OLFML2A: variants seen among roughly 807,000 people sequenced by gnomAD.
The protein encoded by OLFML2A is olfactomedin-like protein 2A.
In OLFML2A, 47 loss-of-function variants were observed where a neutral mutation model predicts 60.9. The observed-to-expected ratio is 0.77, with a 90% CI of 0.61 to 0.98. The LOEUF is 0.98. OLFML2A is among the 50% of genes least tolerant of loss of function. The pLI, the probability that OLFML2A is intolerant of heterozygous loss-of-function variation, is 0.00. For synonymous variants in OLFML2A, 372 were observed against 375.0 expected (o/e 0.99, Z 0.09); for missense variants, 922 against 879.8 (o/e 1.05, Z -0.61).
Position 124,777,365 on chromosome 9 carries a change from G to T in OLFML2A, c.90+5G>T. On this transcript the variant is annotated splice_donor_5th_base_variant and intron_variant, in intron 1 of 7. Coordinates refer to ENST00000373580, the MANE Select transcript of OLFML2A (RefSeq NM_182487.4). This position sits in a 1 kb window ranked among gnomAD's most constrained non-coding sequence, Gnocchi z 6.2. ...CCCACGCGCGCCGACAGTAAGGTACGCACGCCCCTCGGACCCGCGCGGCTC... is the reference window on the plus strand; with the variant it reads ...CCCACGCGCGCCGACAGTAAGGTACTCACGCCCCTCGGACCCGCGCGGCTC... 7.9e-7 allele frequency: 1 copy of T among 1,271,928 alleles called. No individual in the cohort carries two copies. The allele number at this position is 1,271,928 out of a possible 1,614,324, so 78.8% of individuals were successfully genotyped here.
intron 3 of OLFML2A, among the ~76,000 whole-genome samples, chr9:124,796,249 C>T (rs1312147531): frequency 1.3e-5 from 2 of 152,236 alleles, no homozygotes; most frequent in African/African-American, 4.8e-5. Context: ...CTACTATTGG[C>T]CAAGCCCCTG....
At position 124,810,292 on chromosome 9, in the gene OLFML2A, G is replaced by C; in HGVS notation, c.1839G>C (p.Gln613His). Reference protein sequence around the residue: ...DTHTGTDARPQLPFLNEHAYT... With the variant: ...DTHTGTDARPHLPFLNEHAYT... ...ACACGGGCACCGACGCACGCCCCCA[G>C]CTGCCGTTCCTCAACGAGCACGCCT... The change falls in exon 8 of 8, where the codon CAG becomes CAC. Residue 613 changes from glutamine to histidine, a missense_variant. By Grantham distance (24) the Gln-to-His change is conservative. Transcript: ENST00000373580. The C allele has an allele frequency of 6.2e-7, 1 of 1,609,682 alleles. No individual in the cohort carries two copies.
intron 1 of OLFML2A, among the ~76,000 whole-genome samples, chr9:124,786,359 G>A (rs1841469000): frequency 6.6e-6 from 1 of 151,752 alleles, no homozygotes. Context: ...GGAGGTCAAG[G>A]CTGCAGTGAG....
chr9:124,813,110 C>A lies in OLFML2A; in HGVS notation c.*2698C>A, dbSNP rs1399917107. The A allele has an allele frequency of 6.6e-6, 1 of 152,164 alleles. No individual in the cohort carries two copies. Among genetic ancestry groups the A allele is most frequent in the Non-Finnish European group, 1.5e-5 (1 of 68,070 alleles). 9.4% of individuals were successfully genotyped at this position (152,164 alleles called of 1,614,324 possible). On this transcript the variant is annotated 3_prime_UTR_variant, in exon 8 of 8. Transcript: ENST00000373580. ...GGGATTACAGGGCCCTGCCACCAAG[C>A]CCAGCTAATTGTATTTTTAGTAGAG...
Position 124,809,993 on chromosome 9 carries a change from A to G in OLFML2A, c.1540A>G (p.Lys514Glu), listed in dbSNP as rs1403672596. ...GGTATATGAGGACACCACACCTTGG[A>G]AGTGGCGCGGACACTCGGACATTGA... Reference protein sequence around the residue: ...DVVYEDTTPWKWRGHSDIDFA... With the variant: ...DVVYEDTTPWEWRGHSDIDFA... The change falls in exon 8 of 8, where the codon AAG becomes GAG. Residue 514 changes from lysine (K) to glutamate (E), a missense_variant. Lys to Glu is a moderately conservative substitution (Grantham distance 56, BLOSUM62 1). Transcript: ENST00000373580. 2 of 1,613,972 alleles carry G rather than the reference A, an allele frequency of 1.2e-6. No individual in the cohort carries two copies. Among genetic ancestry groups the G allele is most frequent in the Non-Finnish European group, 1.7e-6 (2 of 1,180,014 alleles).
intron 1 of OLFML2A, among the ~76,000 whole-genome samples, chr9:124,781,279 C>T (rs1467815735): frequency 2.0e-5 from 3 of 152,016 alleles, no homozygotes. Flanking sequence ...GACAGATTAT[C>T]CAGGGTAAGA....
Position 124,786,749 on chromosome 9 carries a change from GACACACACACACACAC to G in OLFML2A, c.91-192_91-177del, listed in dbSNP as rs3138850. On this transcript the variant is annotated intron_variant, in intron 1 of 7. Transcript: ENST00000373580. ...AAAAAAAAATACACGCAGAGACGTA[GACACACACACACACAC>G]ACACACACACACACACACACACACA... 2.5e-3 allele frequency among the ~76,000 whole-genome samples: 326 copies of G among 129,812 alleles called. 1 individual carries two copies. The highest frequency in any genetic ancestry group is 5.7e-3 in the Admixed American group (72 of 12,724). 85.2% of individuals were successfully genotyped at this position (129,812 alleles called of 152,430 possible).
intron 2 of OLFML2A, among the ~76,000 whole-genome samples, chr9:124,792,084 CA>C (rs1841579343): frequency 6.6e-6 from 1 of 152,236 alleles, no homozygotes; most frequent in Non-Finnish European, 1.5e-5. Flanking sequence ...TCGGACTGAA[CA>C]AAACTTCCTC....
chr9:124,787,127 C>T lies in OLFML2A; in HGVS notation c.243C>T (p.Ser81=). Residue 81 remains serine (S), a synonymous_variant, in exon 2 of 8, where the codon AGC becomes AGT. Transcript: ENST00000373580. ...VEDFYTVETV[S]SGTDCRCSCT... Reference sequence around the variant, plus strand: ...ACTTCTACACGGTGGAGACTGTGAGCTCGGGCACTGACTGCCGCTGCTCCT... The same window carrying T: ...ACTTCTACACGGTGGAGACTGTGAGTTCGGGCACTGACTGCCGCTGCTCCT... The T allele has an allele frequency of 6.2e-7, 1 of 1,614,248 alleles. No individual in the cohort carries two copies. Among genetic ancestry groups the T allele is most frequent in the East Asian group, 2.2e-5 (1 of 44,888 alleles).
At position 124,809,944 on chromosome 9, in the gene OLFML2A, C is replaced by G. The variant is rs376482827; in HGVS notation, c.1491C>G (p.Ala497=). 6.2e-7 allele frequency: 1 copy of G among 1,614,082 alleles called. No homozygotes were observed. The highest frequency in any genetic ancestry group is 1.3e-5 in the African/African-American group (1 of 74,930). ...ACGACCTACGGCAGCGCTTCGTGGC[C>G]TCCTGGGCGCTGCTGCCCGACGTGG... ...IKYDLRQRFV[A]SWALLPDVVY... is the part of the protein sequence containing the mutation. The change falls in exon 8 of 8, where the codon GCC becomes GCG. Residue 497 remains alanine (A), a synonymous_variant. Transcript: ENST00000373580.
At chr9:124,799,239 G>A (rs1361369238) in intron 3 of OLFML2A, 46 bp from the exon 4 acceptor site, 1 of 1,383,258 alleles carries the variant, frequency 7.2e-7, no homozygotes, top group African/African-American at 1.4e-5. Context: ...TAGGGGTTCA[G>A]AGGAAGCTGG....
chr9:124,795,113 G>A lies in OLFML2A; in HGVS notation c.444G>A (p.Gln148=). 6.2e-7 allele frequency: 1 copy of A among 1,600,722 alleles called. No individual in the cohort carries two copies. The highest frequency in any genetic ancestry group is 8.5e-7 in the Non-Finnish European group (1 of 1,171,276). The change falls in exon 3 of 8, where the codon CAG becomes CAA. Residue 148 remains glutamine (Q), a synonymous_variant. Transcript: ENST00000373580. ...CCTACGTCCACAAGGTGGCCTCCCA[G>A]ATGAACACACTGGAAGAGGTAAGGG... ...VHAYVHKVAS[Q]MNTLEESIKA... is the part of the protein sequence containing the mutation.
intron 1 of OLFML2A, among the ~76,000 whole-genome samples, chr9:124,780,836 T>C (rs1446302354): frequency 2.0e-5 from 3 of 152,152 alleles, no homozygotes; most frequent in Non-Finnish European, 4.4e-5. Flanking sequence ...CATTTTATGG[T>C]CTTGAACACT....
At chr9:124,803,844 A>G (rs532530228) in intron 5 of OLFML2A, among the ~76,000 whole-genome samples, 1 of 152,344 alleles carries the variant, frequency 6.6e-6, no homozygotes, top group East Asian at 1.9e-4. Flanking sequence ...CTCTCAGTTC[A>G]CAGAGGTGGC....
chr9:124,795,696 AC>A (rs1266871226), intron 3 of OLFML2A, among the ~76,000 whole-genome samples: 4 of 152,190 alleles, frequency 2.6e-5, no homozygotes, highest in Non-Finnish European at 4.4e-5. Flanking sequence ...AATCACTTGA[AC>A]CTGGGAAGCG....
intron 2 of OLFML2A, among the ~76,000 whole-genome samples, chr9:124,788,715 C>T (rs1345943562): frequency 6.6e-6 from 1 of 152,210 alleles, no homozygotes; most frequent in African/African-American, 2.4e-5. Context: ...CCACCAGGAC[C>T]CATGGTTTGG....
In OLFML2A at chr9:124,777,175, GGCAGGCAGAGCGGGCGAAGGCGCGGA is replaced by G. The variant is rs905822151; in HGVS notation, c.-93_-68del. On this transcript the variant is annotated 5_prime_UTR_variant, in exon 1 of 8. Transcript: ENST00000373580. This position sits in a 1 kb window ranked among gnomAD's most constrained non-coding sequence, Gnocchi z 6.2. ...AGCAGGGTGCAGGCGCGGGGCGCGG[GGCAGGCAGAGCGGGCGAAGGCGCGGA>G]GCTCGCAGTGCAGCCCGCGCTTCCC... is the stretch of plus-strand genomic sequence containing the variant. The G allele has an allele frequency of 7.2e-6, 3 of 413,808 alleles. No homozygotes were observed. Among genetic ancestry groups the G allele is most frequent in the South Asian group, 1.2e-4 (1 of 8,228 alleles). The allele number at this position is 413,808 out of a possible 1,614,324, so 25.6% of individuals were successfully genotyped here.
At chr9:124,804,404 G>A in intron 6 of OLFML2A, 62 bp downstream of exon 6, 1 of 1,446,988 alleles carries the variant, frequency 6.9e-7, no homozygotes, top group Non-Finnish European at 9.2e-7. Context: ...CCCACAGCCT[G>A]TTTCTGTGAA....
At chr9:124,786,749 G>GACACACACACAC (rs3138850) in intron 1 of OLFML2A, among the ~76,000 whole-genome samples, 1 of 129,782 alleles carries the variant, frequency 7.7e-6, no homozygotes, top group Non-Finnish European at 1.6e-5. Context: ...CAGAGACGTA[G>GACACACACACAC]ACACACACAC....
Sources: gnomAD v4.1 joint callset for allele counts (sites outside exome capture counted in the v4.1 genomes callset) on GRCh38, gnomAD v4.1.1 for gene constraint, Gnocchi (gnomAD v3.1) non-coding constraint, MANE v1.5 for transcripts, NCBI Gene and HGNC (gene_info 2026-07-23, HGNC 2026-07-21) for gene names.